TMEM106A: variants seen among roughly 807,000 people sequenced by gnomAD.
TMEM106A encodes transmembrane protein 106A.
TMEM106A carries 22 observed loss-of-function variants against 25.1 expected under a neutral mutation model. The observed-to-expected ratio is 0.88, with a 90% CI of 0.63 to 1.25. The LOEUF (loss-of-function observed/expected upper bound fraction) is 1.25, where lower values mean the gene tolerates loss of function less well. Ranked by LOEUF, TMEM106A falls within the 50% of genes most tolerant of loss-of-function variation. TMEM106A has a pLI of 0.00. For missense variants in TMEM106A, 275 were observed against 318.1 expected (o/e 0.86, Z 1.03); for synonymous variants, 104 against 129.9 (o/e 0.80, Z 1.35).
intron 7 of TMEM106A, 34 bp from the exon 8 acceptor site, chr17:43,217,211 CTGCTCCATGTGACA>C (rs2057494615): frequency 6.3e-7 from 1 of 1,597,078 alleles, no homozygotes; most frequent in Non-Finnish European, 8.6e-7. Context: ...AGCTGACAGG[CTGCTCCATGTGACA>C]CGTGGTCCCA....
chr17:43,217,032 G>A, intron 7 of TMEM106A: 1 of 629,658 alleles, frequency 1.6e-6, no homozygotes, highest in Non-Finnish European at 2.8e-6. Flanking sequence ...TCCTGAATGG[G>A]GGTCCAGCAT....
At chr17:43,214,190 A>G (rs1186030855) in intron 4 of TMEM106A, among the ~76,000 whole-genome samples, 1 of 123,168 alleles carries the variant, frequency 8.1e-6, no homozygotes, top group Non-Finnish European at 1.8e-5. Context: ...ATCTCTATCA[A>G]AAAAAAAAAA....
In TMEM106A at chr17:43,214,218, GAAA is replaced by G. The variant is rs68035478; in HGVS notation, c.275+329_275+331del. ...AAAAAAAAAAAAAGAAAAAAAAAAAGAAAAGAAAGAAAGAAAGAAAAAAGCAGC... is the reference window on the plus strand; with the variant it reads ...AAAAAAAAAAAAAGAAAAAAAAAAAGAGAAAGAAAGAAAGAAAAAAGCAGC... On this transcript the variant is annotated intron_variant, in intron 4 of 8. Transcript: ENST00000612339. Among the ~76,000 whole-genome samples the G allele has an allele frequency of 2.2e-5, 3 of 135,068 alleles. No individual in the cohort carries two copies. In the Admixed American group the frequency reaches 2.3e-4, roughly 10 times the overall value. The allele number at this position is 135,068 out of a possible 152,430, so 88.6% of individuals were successfully genotyped here.
Position 43,215,988 on chromosome 17 carries a change from C to A in TMEM106A, c.429+47C>A, listed in dbSNP as rs375816248. 13 of 1,609,840 alleles carry A rather than the reference C, an allele frequency of 8.1e-6. No homozygotes were observed. In the Admixed American group the frequency reaches 2.0e-4, roughly 25 times the overall value. ...CAAACCCCCCTTCCTAGCAATACTT[C>A]GCTGTAACCTTTGTCCAGTGTTATG... On this transcript the variant is annotated intron_variant, in intron 5 of 8. Coordinates refer to ENST00000612339, the MANE Select transcript of TMEM106A (RefSeq NM_145041.4).
chr17:43,213,610 C>G (rs1009577329), intron 3 of TMEM106A, among the ~76,000 whole-genome samples: 11 of 152,180 alleles, frequency 7.2e-5, no homozygotes, highest in African/African-American at 2.7e-4. Flanking sequence ...TTCTTCATAC[C>G]TATTAGTGGA....
intron 3 of TMEM106A, 73 bp downstream of exon 3, chr17:43,213,325 C>A: frequency 6.6e-7 from 1 of 1,514,110 alleles, no homozygotes; most frequent in Non-Finnish European, 9.1e-7. Flanking sequence ...TGGGGCAGCC[C>A]CTCTGAGTCT....
Position 43,216,682 on chromosome 17 carries a change from C to G in TMEM106A, c.571-15C>G. On this transcript the variant is annotated splice_polypyrimidine_tract_variant and intron_variant, in intron 6 of 8. Transcript: ENST00000612339. The stretch of plus-strand genomic sequence containing the variant: ...GCTGGAGTTGGGGCTAACCCTGTGC[C>G]CATTTGGTTGACAGATGTTTTACGC... 1.2e-6 allele frequency: 2 copies of G among 1,614,168 alleles called. No homozygotes were observed. The highest frequency in any genetic ancestry group is 1.7e-6 in the Non-Finnish European group (2 of 1,180,016).
chr17:43,214,968 A>C (rs1042975600), intron 4 of TMEM106A, among the ~76,000 whole-genome samples: 13 of 144,186 alleles, frequency 9.0e-5, no homozygotes, highest in East Asian at 2.1e-4. Flanking sequence ...TGAAAAAAAA[A>C]AAAAAACAAA....
At chr17:43,214,024 C>A (rs2057461065) in intron 4 of TMEM106A, 133 bp downstream of exon 4, 1 of 883,950 alleles carries the variant, frequency 1.1e-6, no homozygotes, top group Admixed American at 2.6e-5. Flanking sequence ...TCAGAGGTAC[C>A]AGCTCCTTAC....
Position 43,217,032 on chromosome 17 carries a change from G to C in TMEM106A, c.615-227G>C, listed in dbSNP as rs1362824922. On this transcript the variant is annotated intron_variant, in intron 7 of 8. Transcript: ENST00000612339. ...AATGTTTTGTCTGTCTCCTGAATGG[G>C]GGTCCAGCATGTGCCTGGGCCAAGT... The C allele has an allele frequency of 7.9e-6, 5 of 629,658 alleles. No individual in the cohort carries two copies. The East Asian group carries it at 1.3e-4, about 17-fold the overall frequency. The allele number at this position is 629,658 out of a possible 1,614,324, so 39.0% of individuals were successfully genotyped here.
At position 43,213,814 on chromosome 17, in the gene TMEM106A, T is replaced by TTC; in HGVS notation, c.212-4_212-3dup. 1.2e-6 allele frequency: 2 copies of TTC among 1,613,760 alleles called. No individual in the cohort carries two copies. The highest frequency in any genetic ancestry group is 1.7e-6 in the Non-Finnish European group (2 of 1,179,712). On this transcript the variant is annotated splice_polypyrimidine_tract_variant and intron_variant, in intron 3 of 8. Coordinates refer to ENST00000612339, the MANE Select transcript of TMEM106A (RefSeq NM_145041.4). ...TTGCATCTTGGCCCTCCCTCTCACC[T>TTC]TCTCTCTCTCTAGAGCTGGAGAAGC...
intron 1 of TMEM106A, 35 bp from the exon 2 acceptor site, chr17:43,212,192 C>T (rs977707389): frequency 1.3e-5 from 2 of 152,550 alleles, no homozygotes; most frequent in African/African-American, 2.4e-5. Flanking sequence ...TCCTTACTAT[C>T]CCCACTCTCC....
At chr17:43,215,560 A>G (rs2057476945) in intron 4 of TMEM106A, among the ~76,000 whole-genome samples, 1 of 152,152 alleles carries the variant, frequency 6.6e-6, no homozygotes, top group Non-Finnish European at 1.5e-5. Flanking sequence ...GGGCTGCTCC[A>G]TGTTATTGGG....
chr17:43,215,197 C>T (rs1041733766), intron 4 of TMEM106A, among the ~76,000 whole-genome samples: 1 of 151,680 alleles, frequency 6.6e-6, no homozygotes, highest in East Asian at 1.9e-4. Flanking sequence ...GAGCCGAGAT[C>T]GTGCCACTGC....
chr17:43,214,975 CAAA>C (rs963637661), intron 4 of TMEM106A, among the ~76,000 whole-genome samples: 1 of 106,948 alleles, frequency 9.4e-6, no homozygotes, highest in African/African-American at 3.6e-5. Context: ...AAAAAAAAAA[CAAA>C]AAAAAACCCT....
At position 43,217,690 on chromosome 17, in the gene TMEM106A, G is replaced by T; in HGVS notation, c.678G>T (p.Leu226=). 1 of 1,614,118 alleles carries T rather than the reference G, an allele frequency of 6.2e-7. No individual in the cohort carries two copies. Among genetic ancestry groups the T allele is most frequent in the South Asian group, 1.1e-5 (1 of 91,060 alleles). The change falls in exon 9 of 9, where the codon CTG becomes CTT. Residue 226 remains leucine (L), a synonymous_variant. Coordinates refer to ENST00000612339, the MANE Select transcript of TMEM106A (RefSeq NM_145041.4). ...CCTGCTTCCTCTCCAGGGGCACCCT[G>T]ACCTGTTCATACCTGAGCCATTCAG... ...HHVLLHIQGT[L]TCSYLSHSEQ... is the part of the protein sequence containing the mutation.
In TMEM106A at chr17:43,218,128, C is replaced by G. The variant is rs931032659; in HGVS notation, c.*327C>G. 1 of 257,848 alleles carries G rather than the reference C, an allele frequency of 3.9e-6. No individual in the cohort carries two copies. Among genetic ancestry groups the G allele is most frequent in the African/African-American group, 2.3e-5 (1 of 43,960 alleles). The allele number at this position is 257,848 out of a possible 1,614,324, so 16.0% of individuals were successfully genotyped here. On this transcript the variant is annotated 3_prime_UTR_variant, in exon 9 of 9. Coordinates refer to ENST00000612339, the MANE Select transcript of TMEM106A (RefSeq NM_145041.4). Reference sequence around the variant, plus strand: ...TGAACTCCTGGGCTCAAGCGATCCTCCCTTCTTGGCCTCCCAAAGCACTTG... The same window carrying G: ...TGAACTCCTGGGCTCAAGCGATCCTGCCTTCTTGGCCTCCCAAAGCACTTG...
rs182721701 is a variant in TMEM106A, at chr17:43,216,135, G to A, written c.429+194G>A. 3.0e-5 allele frequency: 22 copies of A among 742,572 alleles called. No homozygotes were observed. The African/African-American group carries it at 3.2e-4, about 11-fold the overall frequency. 46.0% of individuals were successfully genotyped at this position (742,572 alleles called of 1,614,324 possible). On this transcript the variant is annotated intron_variant, in intron 5 of 8. Coordinates refer to ENST00000612339, the MANE Select transcript of TMEM106A (RefSeq NM_145041.4). ...AAGGATTGGGACTCTACACAGTAAG[G>A]GGTCAGAATCCGGGCCAGATAAGTA...
At position 43,219,459 on chromosome 17, in the gene TMEM106A, T is replaced by G. The variant is rs1235054466; in HGVS notation, c.*1658T>G. ...AAGGTGGCTTGGTCTTACAGCTGGG[T>G]GCAGTGGTATATACCTGTAGTCCCA... On this transcript the variant is annotated 3_prime_UTR_variant, in exon 9 of 9. Transcript: ENST00000612339. 6.6e-6 allele frequency: 1 copy of G among 151,630 alleles called. No individual in the cohort carries two copies. The highest frequency in any genetic ancestry group is 1.5e-5 in the Non-Finnish European group (1 of 67,948). The allele number at this position is 151,630 out of a possible 1,614,324, so 9.4% of individuals were successfully genotyped here. A position where few individuals can be genotyped will look rare whatever the true frequency, so the allele number is the denominator to read the frequency against.
Sources: allele counts gnomAD v4.1 joint callset (sites outside exome capture counted in the v4.1 genomes callset), GRCh38; gene constraint gnomAD v4.1.1; transcripts MANE v1.5; gene names NCBI Gene and HGNC (gene_info 2026-07-23, HGNC 2026-07-21).